The following FAAH2 variants were observed in gnomAD, a reference collection of about 807,000 sequenced individuals.
The protein encoded by FAAH2 is fatty-acid amide hydrolase 2.
In FAAH2, 60 loss-of-function variants were observed where a neutral mutation model predicts 36.9. That is an observed-to-expected ratio of 1.63 (90% CI 1.32 to 2.02). The LOEUF is 2.02. FAAH2 is among the 30% of genes most tolerant of loss of function. The pLI is 0.00. For synonymous variants in FAAH2, 214 were observed against 143.8 expected (o/e 1.49, Z -3.49); for missense variants, 689 against 397.5 (o/e 1.73, Z -6.23).
At chrX:57,345,706 G>C (rs1161187263) in intron 5 of FAAH2, among the ~76,000 whole-genome samples, 1 of 110,575 alleles carries the variant, frequency 9.0e-6, no homozygotes, top group Non-Finnish European at 1.9e-5. Flanking sequence ...AGTTCCTTTG[G>C]GTGTGATTAG....
At chrX:57,145,727 T>C in the FAAH2 span, among the ~76,000 whole-genome samples, 1 of 112,193 alleles carries the variant, frequency 8.9e-6, no homozygotes, top group Admixed American at 9.5e-5. Flanking sequence ...CTTGACTTGA[T>C]TTTTGTATAA....
At chrX:57,317,493 C>T (rs1172421468) in intron 3 of FAAH2, among the ~76,000 whole-genome samples, 5 of 111,869 alleles carry the variant, frequency 4.5e-5, no homozygotes, top group East Asian at 5.6e-4. Flanking sequence ...GTACCCAGTA[C>T]GGGAGCACCC....
the FAAH2 span, among the ~76,000 whole-genome samples, chrX:57,199,390 T>C: frequency 1.3e-4 from 14 of 111,369 alleles, no homozygotes; most frequent in Non-Finnish European, 9.4e-5. Flanking sequence ...ATTTGTACAG[T>C]ATCCCAAATT....
intron 10 of FAAH2, among the ~76,000 whole-genome samples, chrX:57,467,017 C>T (rs1241740922): frequency 9.0e-6 from 1 of 110,908 alleles, no homozygotes; most frequent in Non-Finnish European, 1.9e-5. Flanking sequence ...GGTTTTGCTG[C>T]TGTTGTTTTT....
chrX:57,266,115 C>A, the FAAH2 span, among the ~76,000 whole-genome samples: 64 of 111,929 alleles, frequency 5.7e-4, no homozygotes, highest in African/African-American at 2.0e-3. Flanking sequence ...CATGGCCAGA[C>A]TACTTTTTTA....
the FAAH2 span, among the ~76,000 whole-genome samples, chrX:57,139,779 G>A: frequency 3.6e-5 from 4 of 111,850 alleles, no homozygotes; most frequent in African/African-American, 9.8e-5. Context: ...ATAATTTGAA[G>A]TCAGGTAATT....
At chrX:57,440,522 A>G (rs756894274) in intron 8 of FAAH2, among the ~76,000 whole-genome samples, 22 of 111,660 alleles carry the variant, frequency 2.0e-4, no homozygotes, top group Non-Finnish European at 4.0e-4. Flanking sequence ...GGAGTTTTCT[A>G]TATATACAGT....
the FAAH2 span, among the ~76,000 whole-genome samples, chrX:57,143,394 T>C: frequency 9.0e-6 from 1 of 111,085 alleles, no homozygotes. Context: ...GAAAAAATGC[T>C]ACACTTTAAC....
At chrX:57,199,694 T>C in the FAAH2 span, among the ~76,000 whole-genome samples, 1 of 111,821 alleles carries the variant, frequency 8.9e-6, no homozygotes, top group Non-Finnish European at 1.9e-5. Flanking sequence ...AGTCTCCAGC[T>C]ATTATTGTGT....
chrX:57,160,325 G>A, the FAAH2 span, among the ~76,000 whole-genome samples: 2 of 111,315 alleles, frequency 1.8e-5, no homozygotes, highest in African/African-American at 6.5e-5. Flanking sequence ...TCTCTGCCAG[G>A]CTTTGGTATC....
the FAAH2 span, among the ~76,000 whole-genome samples, chrX:57,229,716 A>T: frequency 1.8e-5 from 2 of 111,500 alleles, no homozygotes; most frequent in Non-Finnish European, 3.8e-5. Flanking sequence ...CTAGTCTATT[A>T]TCATGACACC....
chrX:57,167,988 ATT>A, the FAAH2 span, among the ~76,000 whole-genome samples: 5 of 111,552 alleles, frequency 4.5e-5, no homozygotes, highest in Non-Finnish European at 3.8e-5. Context: ...TGGCCTGATA[ATT>A]ATAAAGCAAA....
chrX:57,279,593 GATA>G, the FAAH2 span, among the ~76,000 whole-genome samples: 1 of 110,545 alleles, frequency 9.0e-6, no homozygotes, highest in African/African-American at 3.3e-5. Context: ...AAACTTAAAG[GATA>G]ATAATAATAA....
At chrX:57,250,461 T>A in the FAAH2 span, among the ~76,000 whole-genome samples, 1 of 111,622 alleles carries the variant, frequency 9.0e-6, no homozygotes, top group Non-Finnish European at 1.9e-5. Context: ...GCTGTTTAAA[T>A]AACAATGTAC....
At chrX:57,336,561 G>T (rs998964427) in intron 4 of FAAH2, among the ~76,000 whole-genome samples, 1 of 111,549 alleles carries the variant, frequency 9.0e-6, no homozygotes, top group Non-Finnish European at 1.9e-5. Flanking sequence ...AATCAAATTA[G>T]AACTCAAGAT....
chrX:57,288,420 G>A (rs999548885), intron 1 of FAAH2, among the ~76,000 whole-genome samples: 4 of 89,650 alleles, frequency 4.5e-5, no homozygotes, highest in Non-Finnish European at 8.2e-5. Context: ...TGCGATCTTC[G>A]CTCACTGCAA....
At chrX:57,415,969 T>C (rs1257139205) in intron 7 of FAAH2, among the ~76,000 whole-genome samples, 4 of 111,823 alleles carry the variant, frequency 3.6e-5, no homozygotes, top group African/African-American at 1.3e-4. Flanking sequence ...TATCACTTTA[T>C]CATTATGTAA....
chrX:57,177,678 G>T, the FAAH2 span, among the ~76,000 whole-genome samples: 1 of 94,101 alleles, frequency 1.1e-5, no homozygotes. Flanking sequence ...GTATACAGAT[G>T]CATCTACATA....
chrX:57,154,698 A>G, the FAAH2 span, among the ~76,000 whole-genome samples: 2 of 111,074 alleles, frequency 1.8e-5, no homozygotes, highest in African/African-American at 6.5e-5. Context: ...CTTGGTTTGT[A>G]TCCATTGCTG....
Sources: gnomAD v4.1 joint callset for allele counts (sites outside exome capture counted in the v4.1 genomes callset) on GRCh38, gnomAD v4.1.1 for gene constraint, MANE v1.5 for transcripts, NCBI Gene and HGNC (gene_info 2026-07-23, HGNC 2026-07-21) for gene names.